The following ZNF486 variants were observed in gnomAD, a reference collection of about 807,000 sequenced individuals.
ZNF486 encodes the protein zinc finger protein 486.
Under a neutral mutation model 12.8 loss-of-function variants are expected in ZNF486, and 12 were observed. The observed-to-expected ratio is 0.94, with a 90% confidence interval of 0.60 to 1.52. The LOEUF is 1.52. Ranked by LOEUF, ZNF486 falls within the 40% of genes most tolerant of loss-of-function variation. The pLI, the probability that ZNF486 is intolerant of heterozygous loss-of-function variation, is 0.00. For missense variants in ZNF486, 738 were observed against 545.0 expected (o/e 1.35, Z -3.53); for synonymous variants, 231 against 184.9 (o/e 1.25, Z -2.02).
chr19:20,167,811 G>A (rs531987394), intron 1 of ZNF486, among the ~76,000 whole-genome samples: 2 of 152,166 alleles, frequency 1.3e-5, no homozygotes, highest in South Asian at 2.1e-4. Flanking sequence ...GGGAGGCGAA[G>A]GCTGGCGGAT....
Position 20,168,942 on chromosome 19 carries a change from G to C in ZNF486, c.30+1582G>C, listed in dbSNP as rs572598191. Among the ~76,000 whole-genome samples the C allele has an allele frequency of 7.2e-5, 11 of 152,098 alleles. No individual in the cohort carries two copies. The South Asian group carries it at 1.7e-3, about 23-fold the overall frequency. ...TGCAACCTCCGCCTCCGGGGTTCAAGCAGTTCTCCTGCCTCAGCCTCCCAA... is the reference window on the plus strand; with the variant it reads ...TGCAACCTCCGCCTCCGGGGTTCAACCAGTTCTCCTGCCTCAGCCTCCCAA... On this transcript the variant is annotated intron_variant, in intron 1 of 3. Transcript: ENST00000335117.
At chr19:20,193,164 A>G (rs2089918994) in intron 3 of ZNF486, among the ~76,000 whole-genome samples, 2 of 152,190 alleles carry the variant, frequency 1.3e-5, no homozygotes, top group South Asian at 4.1e-4. Context: ...AACTGAATAC[A>G]AAAACTATGC....
intron 1 of ZNF486, among the ~76,000 whole-genome samples, chr19:20,181,278 G>A (rs112419660): frequency 0.062 from 9,456 of 151,828 alleles, 330 homozygotes; most frequent in Admixed American, 0.083. Flanking sequence ...GGTGGCTCAC[G>A]CCTGTAATCC....
At chr19:20,195,254 T>C (rs2030427815) in intron 3 of ZNF486, among the ~76,000 whole-genome samples, 1 of 152,202 alleles carries the variant, frequency 6.6e-6, no homozygotes, top group African/African-American at 2.4e-5. Flanking sequence ...CTGCAACGTT[T>C]CCCGCCTGGA....
intron 3 of ZNF486, among the ~76,000 whole-genome samples, chr19:20,191,901 C>T (rs2089906980): frequency 6.6e-6 from 1 of 152,110 alleles, no homozygotes. Context: ...TTTATTATTG[C>T]AAATGGGGTC....
chr19:20,175,657 G>C (rs372629718), intron 1 of ZNF486, among the ~76,000 whole-genome samples: 48 of 152,184 alleles, frequency 3.2e-4, no homozygotes, highest in African/African-American at 8.7e-4. Flanking sequence ...GGTAAGGTCA[G>C]AGATCAACAG....
chr19:20,171,368 C>T (rs1331657862), intron 1 of ZNF486, among the ~76,000 whole-genome samples: 2 of 152,226 alleles, frequency 1.3e-5, no homozygotes, highest in African/African-American at 4.8e-5. Flanking sequence ...TTCCCACCCA[C>T]TCACAAACAC....
rs1208869057 is a variant in ZNF486, at chr19:20,198,257, C to T, written c.*155C>T. ...TAGCTAGGATTACAGGGCTGCACCA[C>T]CACACCTGGCTAATTTTGTATTTTT... On this transcript the variant is annotated 3_prime_UTR_variant, in exon 4 of 4. Transcript: ENST00000335117. 3 of 638,356 alleles carry T rather than the reference C, an allele frequency of 4.7e-6. No individual in the cohort carries two copies. The highest frequency in any genetic ancestry group is 5.4e-6 in the Non-Finnish European group (2 of 369,614). The allele number at this position is 638,356 out of a possible 1,614,324, so 39.5% of individuals were successfully genotyped here.
At chr19:20,180,399 A>C (rs531692190) in intron 1 of ZNF486, among the ~76,000 whole-genome samples, 1 of 152,210 alleles carries the variant, frequency 6.6e-6, no homozygotes, top group Non-Finnish European at 1.5e-5. Context: ...TGGTTCCTAC[A>C]GTCCAGAAAC....
intron 1 of ZNF486, among the ~76,000 whole-genome samples, chr19:20,173,749 G>C (rs570430844): frequency 1.4e-4 from 21 of 152,006 alleles, no homozygotes; most frequent in Admixed American, 1.2e-3. Context: ...GGAGAATGGC[G>C]TGAACATGGG....
rs189816027 is a variant in ZNF486 at position 20,192,074 on chromosome 19, T to C, written c.254-4890T>C. ...TAAATTAACTCACTTTACCATAATA[T>C]AATATCATTCTTTGTCTAATGGTAG... is the stretch of plus-strand genomic sequence containing the variant. On this transcript the variant is annotated intron_variant, in intron 3 of 3. Coordinates refer to ENST00000335117, the MANE Select transcript of ZNF486 (RefSeq NM_052852.4). Among the ~76,000 whole-genome samples the C allele has an allele frequency of 1.2e-3, 176 of 152,314 alleles. 1 individual carries two copies. The highest frequency in any genetic ancestry group is 4.0e-3 in the African/African-American group (166 of 41,576).
intron 1 of ZNF486, among the ~76,000 whole-genome samples, chr19:20,183,388 A>G (rs892519209): frequency 1.3e-5 from 2 of 152,252 alleles, no homozygotes; most frequent in Non-Finnish European, 2.9e-5. Flanking sequence ...AAGTTCTGAA[A>G]GAAATTATTA....
intron 1 of ZNF486, among the ~76,000 whole-genome samples, chr19:20,172,211 C>T (rs1053396617): frequency 6.6e-6 from 1 of 151,872 alleles, no homozygotes; most frequent in Non-Finnish European, 1.5e-5. Context: ...CCACGTGGGT[C>T]AGGCTGATCA....
chr19:20,176,848 G>A (rs890889810), intron 1 of ZNF486: 4 of 152,414 alleles, frequency 2.6e-5, no homozygotes, highest in Admixed American at 6.6e-5. Context: ...AGGGAGAGTC[G>A]AAGCCCTATT....
At chr19:20,169,881 G>A (rs1599691803) in intron 1 of ZNF486, among the ~76,000 whole-genome samples, 1 of 146,604 alleles carries the variant, frequency 6.8e-6, no homozygotes, top group East Asian at 2.0e-4. Context: ...ATAAGATGGG[G>A]TTGTATGTTT....
At position 20,197,729 on chromosome 19, in the gene ZNF486, A is replaced by G. The variant is rs782481485; in HGVS notation, c.1019A>G (p.His340Arg). The change falls in exon 4 of 4, where the codon CAT (histidine) becomes CGT (arginine). Residue 340 changes from histidine to arginine, a missense_variant. Transcript: ENST00000335117. ...AFISSSILSK[H>R]EKIHTGEKPY... ...ATTTCATCCTCGATCCTTAGTAAACATGAGAAGATTCATACGGGAGAGAAA... is the reference window on the plus strand; with the variant it reads ...ATTTCATCCTCGATCCTTAGTAAACGTGAGAAGATTCATACGGGAGAGAAA... 7 of 1,613,816 alleles carry G rather than the reference A, an allele frequency of 4.3e-6. No homozygotes were observed. The highest frequency in any genetic ancestry group is 1.3e-5 in the African/African-American group (1 of 74,838).
At chr19:20,177,823 G>T (rs1047683900) in intron 1 of ZNF486, among the ~76,000 whole-genome samples, 2 of 152,002 alleles carry the variant, frequency 1.3e-5, no homozygotes, top group African/African-American at 4.8e-5. Flanking sequence ...TGATCCACCC[G>T]CCTCGGCCTC....
rs781822866 is a variant in ZNF486, at chr19:20,196,962, A to T, written c.254-2A>T. On this transcript the variant is annotated splice_acceptor_variant, in intron 3 of 3. Transcript: ENST00000335117. LOFTEE classifies it high-confidence loss of function. ...GTAATGTGTTTTTATTGTTTCTTTC[A>T]GTTGTGTGTTCTCATTTTGCCCAAG... The T allele has an allele frequency of 9.8e-6, 15 of 1,536,650 alleles. 1 individual carries two copies. The Middle Eastern group carries it at 1.4e-3, about 144-fold the overall frequency.
At chr19:20,195,653 G>A (rs533943606) in intron 3 of ZNF486, among the ~76,000 whole-genome samples, 24 of 152,262 alleles carry the variant, frequency 1.6e-4, no homozygotes, top group South Asian at 1.0e-3. Flanking sequence ...TTGTCCTGGC[G>A]TAGCATGAAA....
Sources: allele counts gnomAD v4.1 joint callset (sites outside exome capture counted in the v4.1 genomes callset), GRCh38; gene constraint gnomAD v4.1.1; transcripts MANE v1.5; gene names NCBI Gene and HGNC (gene_info 2026-07-23, HGNC 2026-07-21).